Variants in GRID2 observed in about 807,000 individuals in gnomAD.
GRID2 encodes the protein glutamate ionotropic receptor delta type subunit 2.
GRID2 carries 33 observed loss-of-function variants against 114.8 expected under a neutral mutation model. The ratio of observed to expected loss-of-function variants is 0.29; its 90% CI spans 0.22 to 0.38. The LOEUF (loss-of-function observed/expected upper bound fraction) is 0.38. Among genes scored for constraint, GRID2 ranks in the 10% least tolerant of loss-of-function variants. GRID2 has a pLI of 1.00. For synonymous variants in GRID2, 505 were observed against 449.9 expected, an observed-to-expected ratio of 1.12 and a Z score of -1.55; for missense variants, 1,184 against 1,257.7, an observed-to-expected ratio of 0.94 and a Z score of 0.89.
At chr4:92,633,618 G>A (rs1486485067) in intron 2 of GRID2, among the ~76,000 whole-genome samples, 1 of 152,086 alleles carries the variant, frequency 6.6e-6, no homozygotes, top group Non-Finnish European at 1.5e-5. Flanking sequence ...AATGAGGTAA[G>A]GATTTCTGAT....
intron 2 of GRID2, among the ~76,000 whole-genome samples, chr4:92,591,784 A>G (rs1728716331): frequency 6.6e-6 from 1 of 152,124 alleles, no homozygotes; most frequent in South Asian, 2.1e-4. Flanking sequence ...GGAATGGAGT[A>G]AAAAATCATT....
intron 2 of GRID2, among the ~76,000 whole-genome samples, chr4:93,023,737 C>T (rs1013354128): frequency 2.0e-5 from 3 of 151,564 alleles, no homozygotes; most frequent in East Asian, 3.9e-4. Flanking sequence ...GCTAAAAACA[C>T]GTCGGAATAT....
At chr4:93,485,923 CACTG>C (rs985995013) in intron 11 of GRID2, among the ~76,000 whole-genome samples, 3 of 151,610 alleles carry the variant, frequency 2.0e-5, no homozygotes, top group African/African-American at 7.2e-5. Flanking sequence ...ATTGGGAATT[CACTG>C]ACTGAATCTA....
chr4:93,064,734 C>A (rs1377453850), intron 2 of GRID2, among the ~76,000 whole-genome samples: 1 of 151,822 alleles, frequency 6.6e-6, no homozygotes, highest in Non-Finnish European at 1.5e-5. Flanking sequence ...TGAAATTGGC[C>A]TTATTTTCCA....
chr4:92,777,604 G>A (rs906160331), intron 2 of GRID2, among the ~76,000 whole-genome samples: 3 of 151,938 alleles, frequency 2.0e-5, no homozygotes, highest in Non-Finnish European at 2.9e-5. Flanking sequence ...TAACCTCAAC[G>A]TGACTATATT....
intron 1 of GRID2, among the ~76,000 whole-genome samples, chr4:92,371,239 T>C (rs1729102645): frequency 6.6e-6 from 1 of 152,084 alleles, no homozygotes; most frequent in South Asian, 2.1e-4. Flanking sequence ...CCAGAAGACA[T>C]AGCTAAAATA....
At chr4:93,262,913 C>T (rs532096291) in intron 8 of GRID2, among the ~76,000 whole-genome samples, 32 of 150,630 alleles carry the variant, frequency 2.1e-4, no homozygotes, top group African/African-American at 6.1e-4. Flanking sequence ...TTTTTTTTTC[C>T]GTTTTACTCT....
chr4:93,332,995 TAGA>T (rs1758660016), intron 8 of GRID2, among the ~76,000 whole-genome samples: 1 of 152,160 alleles, frequency 6.6e-6, no homozygotes, highest in African/African-American at 2.4e-5. Context: ...GCTTTATTCC[TAGA>T]AGATTAGGCC....
chr4:92,888,106 G>A (rs1352366482), intron 2 of GRID2, among the ~76,000 whole-genome samples: 1 of 152,128 alleles, frequency 6.6e-6, no homozygotes, highest in South Asian at 2.1e-4. Flanking sequence ...GAACCATCTA[G>A]CTTAACTTGT....
intron 13 of GRID2, among the ~76,000 whole-genome samples, chr4:93,533,385 TTC>T (rs1411107089): frequency 1.3e-5 from 2 of 148,970 alleles, no homozygotes; most frequent in Non-Finnish European, 3.0e-5. Context: ...CTTTCTTTCT[TTC>T]TTTCTTTCTT....
intron 2 of GRID2, among the ~76,000 whole-genome samples, chr4:92,695,913 C>T (rs960976439): frequency 5.9e-5 from 9 of 151,948 alleles, no homozygotes; most frequent in African/African-American, 1.9e-4. Context: ...ATTTAGTGTA[C>T]GATATATTAA....
In GRID2 at chr4:93,410,414, G is replaced by T. The variant is rs577584741; in HGVS notation, c.1348-12357G>T. ...CTATTTTCACTTCTCCAAACAAATT[G>T]CTTTTTTGTCTTCATGATCTTCTAC... On this transcript the variant is annotated intron_variant, in intron 9 of 15. Transcript: ENST00000282020. Among the ~76,000 whole-genome samples the T allele has an allele frequency of 2.0e-5, 3 of 152,100 alleles. No individual in the cohort carries two copies. The East Asian group carries it at 5.8e-4, about 29-fold the overall frequency.
chr4:93,093,552 A>G (rs1050418302), intron 3 of GRID2, among the ~76,000 whole-genome samples: 2 of 152,046 alleles, frequency 1.3e-5, no homozygotes, highest in Admixed American at 6.6e-5. Context: ...ATGAATTCCA[A>G]TTATATACTC....
intron 13 of GRID2, among the ~76,000 whole-genome samples, chr4:93,582,745 G>A (rs17020810): frequency 0.04 from 6,010 of 151,954 alleles, 145 homozygotes; most frequent in African/African-American, 0.066. Context: ...AAAAAGAAAC[G>A]GAATTGTGAG....
intron 2 of GRID2, among the ~76,000 whole-genome samples, chr4:93,028,194 G>A (rs1043214426): frequency 1.3e-5 from 2 of 152,130 alleles, no homozygotes; most frequent in Admixed American, 6.6e-5. Context: ...AATGCAATGA[G>A]GAAGACAGGA....
chr4:93,361,880 T>C (rs1273706388), intron 8 of GRID2, among the ~76,000 whole-genome samples: 1 of 152,104 alleles, frequency 6.6e-6, no homozygotes, highest in Non-Finnish European at 1.5e-5. Flanking sequence ...GATGTGCAGG[T>C]TGGTTACATA....
At chr4:93,537,666 G>T (rs1732226623) in intron 13 of GRID2, among the ~76,000 whole-genome samples, 1 of 151,756 alleles carries the variant, frequency 6.6e-6, no homozygotes, top group Non-Finnish European at 1.5e-5. Context: ...ATTGCAGAAA[G>T]ATATTTGGAG....
intron 2 of GRID2, among the ~76,000 whole-genome samples, chr4:92,634,098 T>A (rs1579727654): frequency 1.4e-5 from 2 of 143,096 alleles, no homozygotes; most frequent in Non-Finnish European, 1.6e-5. Flanking sequence ...ACTAATGAGC[T>A]AGAAAACAAA....
intron 14 of GRID2, among the ~76,000 whole-genome samples, chr4:93,643,686 G>A (rs1189798023): frequency 1.7e-5 from 1 of 58,764 alleles, no homozygotes; most frequent in Non-Finnish European, 3.1e-5. Context: ...ATCTCCAGCT[G>A]CTTGCTGGGA....
Sources: gnomAD v4.1 joint callset for allele counts (sites outside exome capture counted in the v4.1 genomes callset) on GRCh38, gnomAD v4.1.1 for gene constraint, MANE v1.5 for transcripts, NCBI Gene and HGNC (gene_info 2026-07-23, HGNC 2026-07-21) for gene names.